ABCA13: variants seen among roughly 807,000 people sequenced by gnomAD.
ABCA13 encodes the protein ATP binding cassette subfamily A member 13.
A neutral mutation model predicts 478.7 loss-of-function variants in ABCA13; 476 were observed. That is an observed-to-expected ratio of 0.99 (90% CI 0.92 to 1.07). ABCA13 has a LOEUF of 1.07. ABCA13 is among the 50% of genes least tolerant of loss of function. The pLI is 0.00. For synonymous variants in ABCA13, 2,252 were observed against 2,158.9 expected, an observed-to-expected ratio of 1.04 and a Z score of -1.20; for missense variants, 6,060 against 5,910.6, an observed-to-expected ratio of 1.03 and a Z score of -0.83.
At chr7:48,378,107 G>C (rs1000705159) in intron 35 of ABCA13, among the ~76,000 whole-genome samples, 2 of 152,176 alleles carry the variant, frequency 1.3e-5, no homozygotes, top group Non-Finnish European at 2.9e-5. Flanking sequence ...AAATTGAAAA[G>C]TTTTAAAAGA....
At chr7:48,588,411 C>G (rs1045488407) in intron 57 of ABCA13, among the ~76,000 whole-genome samples, 1 of 152,192 alleles carries the variant, frequency 6.6e-6, no homozygotes, top group African/African-American at 2.4e-5. Context: ...AATGCATCTC[C>G]TTAGTTGAAT....
At chr7:48,198,162 C>T in intron 2 of ABCA13, 75 bp from the exon 3 acceptor site, 1 of 1,410,334 alleles carries the variant, frequency 7.1e-7, no homozygotes, top group Non-Finnish European at 9.6e-7. Context: ...TTATATATTA[C>T]AATTTCAACT....
At chr7:48,269,664 G>T (rs112023741) in intron 16 of ABCA13, among the ~76,000 whole-genome samples, 2,183 of 152,282 alleles carry the variant, frequency 0.014, 20 homozygotes, top group Middle Eastern at 0.055. Flanking sequence ...GAGCAGTAAC[G>T]CTCAAACTTG....
chr7:48,645,886 G>A lies in ABCA13; in HGVS notation c.*374G>A. The A allele has an allele frequency of 5.9e-6, 1 of 170,888 alleles. No homozygotes were observed. The highest frequency in any genetic ancestry group is 1.2e-5 in the Non-Finnish European group (1 of 81,268). 10.6% of individuals were successfully genotyped at this position (170,888 alleles called of 1,614,324 possible). Reference sequence around the variant, plus strand: ...TCCACTCTAAACATGTCACTTTTCTGTTAAGAAAACTGAGCCCCCTCCCCA... The same window carrying A: ...TCCACTCTAAACATGTCACTTTTCTATTAAGAAAACTGAGCCCCCTCCCCA... On this transcript the variant is annotated 3_prime_UTR_variant, in exon 62 of 62. Coordinates refer to ENST00000435803, the MANE Select transcript of ABCA13 (RefSeq NM_152701.5).
chr7:48,224,778 T>C (rs930018307), intron 5 of ABCA13, among the ~76,000 whole-genome samples: 23 of 152,170 alleles, frequency 1.5e-4, no homozygotes, highest in Non-Finnish European at 2.6e-4. Flanking sequence ...TGCTCCCTGA[T>C]TTAAAAAAGT....
intron 27 of ABCA13, among the ~76,000 whole-genome samples, chr7:48,321,910 C>A (rs1247077556): frequency 6.6e-6 from 1 of 152,174 alleles, no homozygotes; most frequent in Non-Finnish European, 1.5e-5. Flanking sequence ...GGCCCTCCAC[C>A]CCTGACTGTC....
At chr7:48,202,166 G>A (rs529617634) in intron 3 of ABCA13, among the ~76,000 whole-genome samples, 2 of 152,136 alleles carry the variant, frequency 1.3e-5, no homozygotes, top group South Asian at 4.1e-4. Flanking sequence ...ACAGTGGAAG[G>A]GGACCCTAGT....
intron 23 of ABCA13, among the ~76,000 whole-genome samples, chr7:48,301,004 CCCA>C (rs1800072192): frequency 6.6e-6 from 1 of 152,208 alleles, no homozygotes; most frequent in African/African-American, 2.4e-5. Context: ...AGTGTCAGGA[CCCA>C]AATAGATTGA....
intron 42 of ABCA13, among the ~76,000 whole-genome samples, chr7:48,437,041 T>A (rs1822934794): frequency 6.6e-6 from 1 of 151,990 alleles, no homozygotes; most frequent in Admixed American, 6.6e-5. Flanking sequence ...GTACAATAGT[T>A]CTATAGTGTT....
At chr7:48,612,770 T>C (rs1423494584) in intron 58 of ABCA13, among the ~76,000 whole-genome samples, 2 of 152,200 alleles carry the variant, frequency 1.3e-5, no homozygotes, top group Non-Finnish European at 2.9e-5. Flanking sequence ...TACTGCCAAA[T>C]TGGTGTTCAA....
At chr7:48,585,176 T>C (rs1204691971) in intron 56 of ABCA13, among the ~76,000 whole-genome samples, 1 of 152,218 alleles carries the variant, frequency 6.6e-6, no homozygotes, top group East Asian at 1.9e-4. Flanking sequence ...AATATTTGTG[T>C]TTGTTTGCTT....
At chr7:48,608,192 T>C (rs1000692242) in intron 58 of ABCA13, among the ~76,000 whole-genome samples, 7 of 152,232 alleles carry the variant, frequency 4.6e-5, no homozygotes, top group Middle Eastern at 3.2e-3. Context: ...GTTTGTTTTT[T>C]AAGACTGGCT....
Position 48,511,155 on chromosome 7 carries a change from C to A in ABCA13, c.13596C>A (p.Phe4532Leu), listed in dbSNP as rs768329231. The stretch of plus-strand genomic sequence containing the variant: ...CCTTCCAGTTAACAGCTTTTACTTT[C>A]CGCAAGAACTTGGCAGCCACGGCCC... The part of the protein sequence containing the change: ...IVAFQLTAFT[F>L]RKNLAATALL... The change falls in exon 51 of 62, where the codon TTC (phenylalanine) becomes TTA (leucine). Residue 4532 changes from phenylalanine to leucine, a missense_variant. By Grantham distance (22) the Phe-to-Leu change is conservative. Transcript: ENST00000435803. 6.2e-7 allele frequency: 1 copy of A among 1,613,536 alleles called. No individual in the cohort carries two copies. The highest frequency in any genetic ancestry group is 8.5e-7 in the Non-Finnish European group (1 of 1,179,616).
At chr7:48,335,159 T>C (rs1485172802) in intron 27 of ABCA13, among the ~76,000 whole-genome samples, 2 of 152,200 alleles carry the variant, frequency 1.3e-5, no homozygotes, top group East Asian at 1.9e-4. Context: ...ACATATGCTG[T>C]ACCCAGCAGT....
At chr7:48,200,988 A>AGG (rs201808858) in intron 3 of ABCA13, among the ~76,000 whole-genome samples, 3 of 135,742 alleles carry the variant, frequency 2.2e-5, no homozygotes, top group African/African-American at 8.2e-5. Flanking sequence ...AGGAAATAGA[A>AGG]AGAGAATAAG....
chr7:48,297,307 T>C lies in ABCA13; in HGVS notation c.9195T>C (p.Thr3065=). The part of the protein sequence containing the change: ...IMTFLSNFTV[T]EDVKIKDLMK... ...CTTTTCTCAGCAATTTCACAGTAAC[T>C]GAGGGTAAGTATGTGGTTTTCCAAG... The change falls in exon 22 of 62, where the codon ACT becomes ACC. Residue 3065 remains threonine, a synonymous_variant. Transcript: ENST00000435803. The C allele has an allele frequency of 6.2e-7, 1 of 1,605,894 alleles. No homozygotes were observed. The highest frequency in any genetic ancestry group is 8.5e-7 in the Non-Finnish European group (1 of 1,175,868).
chr7:48,524,464 C>A (rs995872343), intron 54 of ABCA13, 24 bp downstream of exon 54: 9 of 1,588,376 alleles, frequency 5.7e-6, no homozygotes, highest in Admixed American at 3.6e-5. Flanking sequence ...TATTTTTAAT[C>A]TTCTTCTGTT....
intron 43 of ABCA13, among the ~76,000 whole-genome samples, chr7:48,455,574 C>G (rs1825576461): frequency 6.6e-6 from 1 of 152,184 alleles, no homozygotes; most frequent in East Asian, 1.9e-4. Context: ...AGCTGTCACC[C>G]GCCGACCTGC....
chr7:48,567,356 T>C (rs1052780934), intron 55 of ABCA13, among the ~76,000 whole-genome samples: 1 of 152,102 alleles, frequency 6.6e-6, no homozygotes, highest in Non-Finnish European at 1.5e-5. Context: ...GCTGGGGTCA[T>C]TGGACAATGC....
Sources: allele counts gnomAD v4.1 joint callset (sites outside exome capture counted in the v4.1 genomes callset), GRCh38; gene constraint gnomAD v4.1.1; transcripts MANE v1.5; gene names NCBI Gene and HGNC (gene_info 2026-07-23, HGNC 2026-07-21).